The following NUP210L variants were observed in gnomAD, a reference collection of about 807,000 sequenced individuals.
NUP210L encodes the protein nuclear pore membrane glycoprotein 210-like.
NUP210L carries 74 observed loss-of-function variants against 208.5 expected under a neutral mutation model. That is an observed-to-expected ratio of 0.35 (90% CI 0.29 to 0.43). NUP210L has a LOEUF of 0.43. Ranked by LOEUF, NUP210L falls within the 20% of genes least tolerant of loss-of-function variation. The pLI is 1.00. For synonymous variants in NUP210L, 780 were observed against 816.9 expected (o/e 0.95, Z 0.77); for missense variants, 1,843 against 2,289.4 (o/e 0.81, Z 3.98).
At chr1:154,034,730 T>C (rs1652434891) in intron 27 of NUP210L, among the ~76,000 whole-genome samples, 1 of 152,208 alleles carries the variant, frequency 6.6e-6, no homozygotes, top group African/African-American at 2.4e-5. Context: ...GTAGATTGTA[T>C]GTATCTAGGA....
At chr1:154,152,914 A>T (rs1331345264) in intron 1 of NUP210L, 42 bp from the exon 2 acceptor site, 1 of 1,589,762 alleles carries the variant, frequency 6.3e-7, no homozygotes, top group South Asian at 1.1e-5. Flanking sequence ...TAGGTGGGTT[A>T]AAATTAACTT....
intron 17 of NUP210L, among the ~76,000 whole-genome samples, chr1:154,069,041 T>C (rs1370266578): frequency 6.6e-6 from 1 of 152,104 alleles, no homozygotes; most frequent in Non-Finnish European, 1.5e-5. Context: ...ATACAAAAAT[T>C]AATTTAAGAT....
chr1:154,025,558 G>A, exon 30 of NUP210L: 1 of 1,610,028 alleles, frequency 6.2e-7, no homozygotes, highest in Non-Finnish European at 8.5e-7. Context: ...CCCAGTTATG[G>A]TTGTTTGGTT....
At chr1:153,993,129 G>A in intron 38 of NUP210L, 40 bp from the exon 39 acceptor site, 1 of 1,496,782 alleles carries the variant, frequency 6.7e-7, no homozygotes, top group Non-Finnish European at 9.2e-7. Context: ...CATATCTGAG[G>A]AAGGCCTTAA....
chr1:154,019,041 G>A, exon 33 of NUP210L: 1 of 1,613,902 alleles, frequency 6.2e-7, no homozygotes, highest in Non-Finnish European at 8.5e-7. Context: ...GAATATTGTT[G>A]GCAGAAATCA....
chr1:154,055,176 T>TTTCTTTCTTTCTTTCTTTCTTTC (rs1553228990), intron 23 of NUP210L, among the ~76,000 whole-genome samples: 137 of 120,172 alleles, frequency 1.1e-3, no homozygotes, highest in South Asian at 1.6e-3. Flanking sequence ...TCTTTCTTTC[T>TTTCTTTCTTTCTTTCTTTCTTTC]TTCTTTCTTT....
intron 25 of NUP210L, among the ~76,000 whole-genome samples, chr1:154,053,421 T>C (rs190116130): frequency 1.2e-3 from 185 of 152,296 alleles, no homozygotes; most frequent in African/African-American, 4.1e-3. Context: ...AGGGAGAACA[T>C]GTTGGGAACA....
exon 11 of NUP210L, chr1:154,118,767 T>A: frequency 6.3e-7 from 1 of 1,595,268 alleles, no homozygotes; most frequent in Non-Finnish European, 8.6e-7. Flanking sequence ...TCACTTCTTG[T>A]TGGTGTTTGA....
intron 13 of NUP210L, among the ~76,000 whole-genome samples, chr1:154,102,602 A>AC (rs1656525445): frequency 1.3e-5 from 2 of 152,196 alleles, no homozygotes; most frequent in South Asian, 4.1e-4. Flanking sequence ...TAAGAATTAA[A>AC]TAGTTAATGT....
chr1:154,148,212 A>C (rs1174537678), intron 2 of NUP210L, among the ~76,000 whole-genome samples: 1 of 151,690 alleles, frequency 6.6e-6, no homozygotes, highest in Non-Finnish European at 1.5e-5. Context: ...GGTTGCAGTC[A>C]GCCGAGATTG....
At chr1:154,074,782 C>A (rs967954995) in intron 16 of NUP210L, among the ~76,000 whole-genome samples, 5 of 152,200 alleles carry the variant, frequency 3.3e-5, no homozygotes, top group Non-Finnish European at 7.3e-5. Flanking sequence ...AGCCACCGCA[C>A]CCCGCTGGGA....
intron 16 of NUP210L, among the ~76,000 whole-genome samples, chr1:154,076,914 T>C (rs1655065992): frequency 6.6e-6 from 1 of 152,070 alleles, no homozygotes; most frequent in Non-Finnish European, 1.5e-5. Context: ...TTCAAAAAGA[T>C]CTACATCTAG....
At chr1:154,092,071 AT>A (rs764216863) in intron 15 of NUP210L, among the ~76,000 whole-genome samples, 3,867 of 124,600 alleles carry the variant, frequency 0.031, 30 homozygotes, top group Non-Finnish European at 0.038. Flanking sequence ...ATGGGGAGCC[AT>A]TTTTTTTTTT....
chr1:154,088,368 A>G (rs1361240949), intron 16 of NUP210L, among the ~76,000 whole-genome samples: 2 of 152,084 alleles, frequency 1.3e-5, no homozygotes, highest in African/African-American at 2.4e-5. Context: ...GTGTATGTCA[A>G]TAGGGTGATG....
At chr1:154,042,925 TG>T (rs1433336435) in intron 27 of NUP210L, among the ~76,000 whole-genome samples, 1 of 149,204 alleles carries the variant, frequency 6.7e-6, no homozygotes, top group Non-Finnish European at 1.5e-5. Flanking sequence ...TTGCTCAGGC[TG>T]GTCTTGAACT....
At chr1:154,035,585 G>A (rs776947915) in intron 27 of NUP210L, among the ~76,000 whole-genome samples, 1 of 151,786 alleles carries the variant, frequency 6.6e-6, no homozygotes, top group Non-Finnish European at 1.5e-5. Flanking sequence ...TTTTAGTGGA[G>A]ACGGGGTTTC....
chr1:153,999,333 GT>G (rs1487436994), intron 37 of NUP210L, among the ~76,000 whole-genome samples: 1 of 152,142 alleles, frequency 6.6e-6, no homozygotes, highest in African/African-American at 2.4e-5. Context: ...TCTAAACTAG[GT>G]AATGCCTGGA....
intron 29 of NUP210L, among the ~76,000 whole-genome samples, chr1:154,026,127 C>T (rs935699589): frequency 2.0e-5 from 3 of 151,644 alleles, no homozygotes; most frequent in East Asian, 2.0e-4. Context: ...CCCAGCTTCT[C>T]GGGAGGCTGA....
intron 34 of NUP210L, among the ~76,000 whole-genome samples, chr1:154,011,413 A>G (rs1005811061): frequency 6.6e-6 from 1 of 151,524 alleles, no homozygotes; most frequent in Non-Finnish European, 1.5e-5. Context: ...TAGTAGAGAC[A>G]GGGTTTCACC....
Sources: allele counts gnomAD v4.1 joint callset (sites outside exome capture counted in the v4.1 genomes callset), GRCh38; gene constraint gnomAD v4.1.1; transcripts MANE v1.5; gene names NCBI Gene and HGNC (gene_info 2026-07-23, HGNC 2026-07-21).